The following STARD7 variants were observed in gnomAD, a reference collection of about 807,000 sequenced individuals.
The protein encoded by STARD7 is stAR-related lipid transfer protein 7, mitochondrial.
A neutral mutation model predicts 45.3 loss-of-function variants in STARD7; 30 were observed. The ratio of observed to expected loss-of-function variants is 0.66; its 90% CI spans 0.50 to 0.90. The LOEUF (loss-of-function observed/expected upper bound fraction) is 0.90. Among genes scored for constraint, STARD7 ranks in the 40% least tolerant of loss-of-function variants. The probability of loss-of-function intolerance (pLI) is 0.00; values close to 1 mark genes in which losing one functional copy is unlikely to be tolerated. For synonymous variants in STARD7, 199 were observed against 183.0 expected (o/e 1.09, Z -0.70); for missense variants, 495 against 491.3 (o/e 1.01, Z -0.07).
chr2:96,197,070 A>AAACTAACCTAACCTAAAC (rs1573943516), intron 1 of STARD7, among the ~76,000 whole-genome samples: 4 of 96,396 alleles, frequency 4.1e-5, no homozygotes, highest in Admixed American at 9.6e-5. Flanking sequence ...CCGTCTCAAA[A>AAACTAACCTAACCTAAAC]TAAAATAAAA....
chr2:96,188,266 CTTTTTTTTTTTTTTTTTTT>C (rs138935587), intron 6 of STARD7: 7 of 56,810 alleles, frequency 1.2e-4, no homozygotes, highest in African/African-American at 5.7e-4. Context: ...CAGACCAAGA[CTTTTTTTTTTTTTTTTTTT>C]TTTTTTTGAG....
intron 1 of STARD7, among the ~76,000 whole-genome samples, chr2:96,197,070 A>AAACTAACCTAACCTAACCTAACC (rs1573943516): frequency 2.1e-5 from 2 of 96,396 alleles, no homozygotes; most frequent in South Asian, 3.2e-4. Flanking sequence ...CCGTCTCAAA[A>AAACTAACCTAACCTAACCTAACC]TAAAATAAAA....
chr2:96,188,738 A>G (rs1376609578), intron 6 of STARD7, among the ~76,000 whole-genome samples: 1 of 151,478 alleles, frequency 6.6e-6, no homozygotes, highest in Non-Finnish European at 1.5e-5. Context: ...ACAAAGAAAA[A>G]AAAAAACTAG....
intron 6 of STARD7, among the ~76,000 whole-genome samples, chr2:96,188,641 T>C (rs1193204282): frequency 1.3e-5 from 2 of 151,412 alleles, no homozygotes; most frequent in East Asian, 4.0e-4. Flanking sequence ...CTCAGCACTT[T>C]GGGAGGCTGA....
At chr2:96,189,239 G>C (rs779652998) in intron 6 of STARD7, among the ~76,000 whole-genome samples, 4 of 152,102 alleles carry the variant, frequency 2.6e-5, no homozygotes, top group African/African-American at 9.7e-5. Context: ...ATGAGCTACC[G>C]TGCTCAGCCA....
In STARD7 at chr2:96,208,547, C is replaced by T. The variant is rs1354304728; in HGVS notation, c.-113G>A. ...AATGGCCGGCCACGAACCCGTCTCACGGTCCCGCGGCCAGGAGCCGCCGCT... is the reference window on the plus strand; with the variant it reads ...AATGGCCGGCCACGAACCCGTCTCATGGTCCCGCGGCCAGGAGCCGCCGCT... On this transcript the variant is annotated 5_prime_UTR_variant, in exon 1 of 8. It adds an upstream start codon to the 5' untranslated region. Transcript: ENST00000337288. 3.0e-6 allele frequency: 3 copies of T among 985,778 alleles called. No individual in the cohort carries two copies. The highest frequency in any genetic ancestry group is 4.1e-6 in the Non-Finnish European group (3 of 731,416). 61.1% of individuals were successfully genotyped at this position (985,778 alleles called of 1,614,324 possible). A position where few individuals can be genotyped will look rare whatever the true frequency, so the allele number is the denominator to read the frequency against.
At chr2:96,187,118 A>T in intron 7 of STARD7, 99 bp downstream of exon 7, 1 of 987,076 alleles carries the variant, frequency 1.0e-6, no homozygotes, top group Non-Finnish European at 1.5e-6. Context: ...AAAAAAAAAA[A>T]GAAGAACCAG....
chr2:96,187,080 A>G, intron 7 of STARD7, 137 bp downstream of exon 7: 6 of 883,030 alleles, frequency 6.8e-6, no homozygotes, highest in Non-Finnish European at 1.0e-5. Context: ...TTCCCAAAGC[A>G]TGGGTTGTGA....
At position 96,186,853 on chromosome 2, in the gene STARD7, A is replaced by G. The variant is rs1010607079; in HGVS notation, c.990T>C (p.Ile330=). The stretch of plus-strand genomic sequence containing the variant: ...TAGCTGAGATGTAGTCCTTTACTTT[A>G]ATCTCCATATTCTTGGCTTTCAGAG... ...MATLKAKNME[I]KVKDYISAKP... Residue 330 remains isoleucine, a synonymous_variant, in exon 8 of 8, where the codon ATT becomes ATC. Transcript: ENST00000337288. 6.2e-7 allele frequency: 1 copy of G among 1,613,880 alleles called. No homozygotes were observed. The highest frequency in any genetic ancestry group is 8.5e-7 in the Non-Finnish European group (1 of 1,179,822).
rs777253929 is a variant in STARD7, at chr2:96,186,704, C to T, written c.*26G>A. ...CGGACTGAGACAGGGCTAGAAGCACCTTGTCCCTTCTTATCCCAAAGCCTG... is the reference window on the plus strand; with the variant it reads ...CGGACTGAGACAGGGCTAGAAGCACTTTGTCCCTTCTTATCCCAAAGCCTG... On this transcript the variant is annotated 3_prime_UTR_variant, in exon 8 of 8. Coordinates refer to ENST00000337288, the MANE Select transcript of STARD7 (RefSeq NM_020151.4). 1 of 1,579,364 alleles carries T rather than the reference C, an allele frequency of 6.3e-7. No individual in the cohort carries two copies. The highest frequency in any genetic ancestry group is 1.2e-5 in the South Asian group (1 of 85,750).
At chr2:96,203,902 G>A (rs1265732784) in intron 1 of STARD7, among the ~76,000 whole-genome samples, 1 of 152,078 alleles carries the variant, frequency 6.6e-6, no homozygotes, top group Non-Finnish European at 1.5e-5. Flanking sequence ...GGAGGTGGAT[G>A]CTTCAGTAAG....
intron 1 of STARD7, among the ~76,000 whole-genome samples, chr2:96,201,016 G>C (rs1022935808): frequency 3.3e-5 from 5 of 152,306 alleles, no homozygotes; most frequent in Middle Eastern, 3.4e-3. Flanking sequence ...GCTAGGCAGA[G>C]TTAACCATAC....
chr2:96,207,920 TCCTACACACCAG>T, intron 1 of STARD7, among the ~76,000 whole-genome samples: 1 of 152,220 alleles, frequency 6.6e-6, no homozygotes, highest in East Asian at 1.9e-4. Flanking sequence ...AAAGTCTCCC[TCCTACACACCAG>T]CCTACACACT....
At position 96,193,098 on chromosome 2, in the gene STARD7, G is replaced by T; in HGVS notation, c.723C>A (p.Asn241Lys). ...CATACCGCGACACCAACACCATCAT[G>T]TTGTTTTCCTGATCCACACTATACC... ...VRRYSVDQEN[N>K]MMVLVSRAVE... The change falls in exon 5 of 8, where the codon AAC becomes AAA. Residue 241 changes from asparagine to lysine, a missense_variant. This residue lies in a region of STARD7 where 213 missense variants were observed against 271.2 expected (regional missense o/e 0.79). Transcript: ENST00000337288. 14 of 1,613,524 alleles carry T rather than the reference G, an allele frequency of 8.7e-6. No individual in the cohort carries two copies. Among genetic ancestry groups the T allele is most frequent in the Non-Finnish European group, 1.1e-5 (13 of 1,179,526 alleles).
intron 6 of STARD7, among the ~76,000 whole-genome samples, chr2:96,189,898 A>G (rs1382041641): frequency 6.6e-6 from 1 of 152,170 alleles, no homozygotes; most frequent in African/African-American, 2.4e-5. Context: ...GAAAGACAAA[A>G]GATAGAAGAT....
intron 1 of STARD7, among the ~76,000 whole-genome samples, chr2:96,196,439 A>G (rs1683207097): frequency 6.6e-6 from 1 of 152,146 alleles, no homozygotes; most frequent in African/African-American, 2.4e-5. Context: ...CAGTCTGGGC[A>G]ATACAGTAAG....
Position 96,208,167 on chromosome 2 carries a change from T to A in STARD7, c.268A>T (p.Ile90Phe). The change falls in exon 1 of 8, where the codon ATC becomes TTC. Residue 90 changes from isoleucine (I) to phenylalanine (F), a missense_variant. By Grantham distance (21) the Ile-to-Phe change is conservative. Around this residue, in one of 2 missense-constraint regions of STARD7, gnomAD observed 282 missense variants for 220.1 expected, o/e 1.28. Coordinates refer to ENST00000337288, the MANE Select transcript of STARD7 (RefSeq NM_020151.4). The stretch of plus-strand genomic sequence containing the variant: ...CACCTCTGCAACTCCTCCTCCTGGA[T>A]CCTCTCCTCGTCCCAAACGAAGACG... The part of the protein sequence containing the change: ...AGVFVWDEER[I>F]QEEELQRSIN... The A allele has an allele frequency of 1.3e-6, 2 of 1,597,442 alleles. No homozygotes were observed. The highest frequency in any genetic ancestry group is 1.7e-6 in the Non-Finnish European group (2 of 1,172,666).
At chr2:96,192,790 G>C (rs976603090) in intron 5 of STARD7, among the ~76,000 whole-genome samples, 7 of 152,152 alleles carry the variant, frequency 4.6e-5, no homozygotes, top group African/African-American at 1.4e-4. Context: ...AATGAAGTGA[G>C]TTCCTTTGGT....
At chr2:96,206,172 T>C (rs1477467274) in intron 1 of STARD7, among the ~76,000 whole-genome samples, 2 of 152,206 alleles carry the variant, frequency 1.3e-5, no homozygotes, top group African/African-American at 2.4e-5. Flanking sequence ...ACTCAAATGC[T>C]TACTATGTTC....
Sources: gnomAD v4.1 joint callset for allele counts (sites outside exome capture counted in the v4.1 genomes callset) on GRCh38, gnomAD v4.1.1 for gene constraint, gnomAD v4.1.1 regional missense constraint, MANE v1.5 for transcripts, NCBI Gene and HGNC (gene_info 2026-07-23, HGNC 2026-07-21) for gene names.